HPSE2: variants seen among roughly 807,000 people sequenced by gnomAD.
HPSE2 encodes the protein inactive heparanase-2.
Under a neutral mutation model 60.5 loss-of-function variants are expected in HPSE2, and 38 were observed. The ratio of observed to expected loss-of-function variants is 0.63; its 90% CI spans 0.48 to 0.82. The LOEUF (loss-of-function observed/expected upper bound fraction) is 0.82, where lower values mean the gene tolerates loss of function less well. Ranked by LOEUF, HPSE2 falls within the 40% of genes least tolerant of loss-of-function variation. The pLI is 0.00. For synonymous variants in HPSE2, 295 were observed against 293.2 expected (o/e 1.01, Z -0.06); for missense variants, 713 against 740.4 (o/e 0.96, Z 0.43).
chr10:98,781,370 A>G (rs1589816937), intron 3 of HPSE2, among the ~76,000 whole-genome samples: 1 of 150,196 alleles, frequency 6.7e-6, no homozygotes, highest in South Asian at 2.1e-4. Context: ...AGAACTGAAC[A>G]CTGAAAAATA....
intron 3 of HPSE2, among the ~76,000 whole-genome samples, chr10:98,844,171 CTGAGGT>C (rs2134703565): frequency 6.6e-6 from 1 of 152,288 alleles, no homozygotes; most frequent in Non-Finnish European, 1.5e-5. Context: ...TACATGATCT[CTGAGGT>C]CTCTTCCAGC....
chr10:98,985,235 C>G (rs1163411166), intron 3 of HPSE2, among the ~76,000 whole-genome samples: 1 of 152,146 alleles, frequency 6.6e-6, no homozygotes, highest in Non-Finnish European at 1.5e-5. Flanking sequence ...TAAGGGCAGC[C>G]AGAGAGAAAG....
chr10:98,636,952 T>C (rs1178040691), intron 7 of HPSE2, among the ~76,000 whole-genome samples: 1 of 152,224 alleles, frequency 6.6e-6, no homozygotes, highest in Non-Finnish European at 1.5e-5. Context: ...ATCCAGACTA[T>C]ACCATCTGCA....
At position 98,830,146 on chromosome 10, in the gene HPSE2, G is replaced by T. The variant is rs538126228; in HGVS notation, c.611-86090C>A. On this transcript the variant is annotated intron_variant, in intron 3 of 11. Coordinates refer to ENST00000370552, the MANE Select transcript of HPSE2 (RefSeq NM_021828.5). The stretch of plus-strand genomic sequence containing the variant: ...TATTCAATCAGACAGTCAGGTGTTA[G>T]TCCATAAATACTATTGCCTACTATG... Among the ~76,000 whole-genome samples, 6 of 152,284 alleles carry T rather than the reference G, an allele frequency of 3.9e-5. No homozygotes were observed. The South Asian group carries it at 1.2e-3, about 32-fold the overall frequency.
At chr10:99,016,617 C>T (rs140144312) in intron 3 of HPSE2, among the ~76,000 whole-genome samples, 445 of 152,134 alleles carry the variant, frequency 2.9e-3, no homozygotes, top group Middle Eastern at 6.8e-3. Context: ...AAATTGCTTT[C>T]GGCAATATGG....
At position 99,134,575 on chromosome 10, in the gene HPSE2, TAAAGA is replaced by T. The variant is rs1175457030; in HGVS notation, c.610+9658_610+9662del. 5.3e-5 allele frequency among the ~76,000 whole-genome samples: 8 copies of T among 152,274 alleles called. No individual in the cohort carries two copies. The East Asian group carries it at 1.4e-3, about 26-fold the overall frequency. On this transcript the variant is annotated intron_variant, in intron 3 of 11. Transcript: ENST00000370552. Reference sequence around the variant, plus strand: ...GAATGGGGCCAATATTCAACATTCTTAAAGAAAAGAATTTTCAACCCAGAATTTCA... The same window carrying T: ...GAATGGGGCCAATATTCAACATTCTTAAAGAATTTTCAACCCAGAATTTCA...
Position 98,626,975 on chromosome 10 carries a change from G to A in HPSE2, c.1099-6267C>T, listed in dbSNP as rs187080509. 3.2e-3 allele frequency among the ~76,000 whole-genome samples: 487 copies of A among 152,066 alleles called. 1 individual carries two copies. The highest frequency in any genetic ancestry group is 4.5e-3 in the Non-Finnish European group (306 of 67,988). On this transcript the variant is annotated intron_variant, in intron 7 of 11. Transcript: ENST00000370552. ...TTTTTAGTAGAGATGGGGTTTCACC[G>A]TGTTAGCCAGGACGGTCTCAATCTC...
chr10:99,160,142 T>C (rs1013729582), intron 2 of HPSE2, among the ~76,000 whole-genome samples: 4 of 151,076 alleles, frequency 2.6e-5, no homozygotes, highest in Non-Finnish European at 5.9e-5. Flanking sequence ...AAGATATAAT[T>C]AAGCTAAGGA....
intron 9 of HPSE2, among the ~76,000 whole-genome samples, chr10:98,522,636 G>A (rs1445281355): frequency 1.3e-5 from 2 of 152,056 alleles, no homozygotes; most frequent in African/African-American, 2.4e-5. Flanking sequence ...CACAATGCCC[G>A]GCTAATTTTT....
At chr10:99,131,455 GTAGA>G (rs954575348) in intron 3 of HPSE2, among the ~76,000 whole-genome samples, 18 of 151,826 alleles carry the variant, frequency 1.2e-4, no homozygotes, top group Admixed American at 7.2e-4. Flanking sequence ...CAACCAACAA[GTAGA>G]TAAAGAAAAT....
the HPSE2 span, among the ~76,000 whole-genome samples, chr10:99,252,595 G>A: frequency 4.4e-4 from 67 of 152,116 alleles, no homozygotes; most frequent in Admixed American, 1.2e-3. Context: ...ATGAAATACC[G>A]GCCAGGCGCA....
At chr10:98,680,638 TA>T (rs897014892) in intron 6 of HPSE2, among the ~76,000 whole-genome samples, 10 of 152,280 alleles carry the variant, frequency 6.6e-5, no homozygotes, top group East Asian at 5.8e-4. Flanking sequence ...AGTACACATA[TA>T]AAAAAATTCT....
chr10:99,269,579 T>A, the HPSE2 span, among the ~76,000 whole-genome samples: 2 of 152,112 alleles, frequency 1.3e-5, no homozygotes, highest in Non-Finnish European at 2.9e-5. Context: ...AAACAATGGA[T>A]TTAAACTATA....
At chr10:98,660,756 T>C (rs1007854952) in intron 6 of HPSE2, among the ~76,000 whole-genome samples, 2 of 152,158 alleles carry the variant, frequency 1.3e-5, no homozygotes, top group African/African-American at 2.4e-5. Context: ...CCAGGGACCT[T>C]GCAACAATGC....
chr10:98,769,075 T>C (rs894566619), intron 3 of HPSE2, among the ~76,000 whole-genome samples: 1 of 119,224 alleles, frequency 8.4e-6, no homozygotes, highest in Non-Finnish European at 1.9e-5. Flanking sequence ...TAATAATAAC[T>C]TGTCTATGTC....
chr10:99,253,869 C>G, the HPSE2 span, among the ~76,000 whole-genome samples: 4 of 152,112 alleles, frequency 2.6e-5, no homozygotes, highest in African/African-American at 9.7e-5. Context: ...TTCCACATAA[C>G]TAATCATCAG....
At chr10:98,860,852 A>G (rs1952442318) in intron 3 of HPSE2, among the ~76,000 whole-genome samples, 1 of 152,156 alleles carries the variant, frequency 6.6e-6, no homozygotes, top group Admixed American at 6.5e-5. Context: ...CTATTTGTCT[A>G]TAAAAGTACT....
At position 98,829,767 on chromosome 10, in the gene HPSE2, A is replaced by T. The variant is rs368499533; in HGVS notation, c.611-85711T>A. Among the ~76,000 whole-genome samples the T allele has an allele frequency of 5.9e-5, 9 of 152,344 alleles. No individual in the cohort carries two copies. The East Asian group carries it at 1.3e-3, about 23-fold the overall frequency. On this transcript the variant is annotated intron_variant, in intron 3 of 11. Transcript: ENST00000370552. Reference sequence around the variant, plus strand: ...AATACATGGGCTGGATTGCATTTTCAAAGTGATTTTTCAACACTACTTATA... The same window carrying T: ...AATACATGGGCTGGATTGCATTTTCTAAGTGATTTTTCAACACTACTTATA...
chr10:99,293,805 G>A, the HPSE2 span, among the ~76,000 whole-genome samples: 5 of 152,216 alleles, frequency 3.3e-5, no homozygotes, highest in South Asian at 1.0e-3. Context: ...TCAATTACAA[G>A]AGACAGAAAA....
Sources: gnomAD v4.1 joint callset for allele counts (sites outside exome capture counted in the v4.1 genomes callset) on GRCh38, gnomAD v4.1.1 for gene constraint, MANE v1.5 for transcripts, NCBI Gene and HGNC (gene_info 2026-07-23, HGNC 2026-07-21) for gene names.